Variants in PIK3C2G observed in about 807,000 individuals in gnomAD.
The protein encoded by PIK3C2G is phosphatidylinositol 3-kinase C2 domain-containing subunit gamma.
PIK3C2G carries 168 observed loss-of-function variants against 181.1 expected under a neutral mutation model. The observed-to-expected ratio is 0.93, with a 90% CI of 0.82 to 1.05. The LOEUF (loss-of-function observed/expected upper bound fraction) is 1.05. PIK3C2G is among the 50% of genes least tolerant of loss of function. The probability of loss-of-function intolerance (pLI) is 0.00; values close to 1 mark genes in which losing one functional copy is unlikely to be tolerated. For missense variants in PIK3C2G, 1,869 were observed against 1,732.8 expected (o/e 1.08, Z -1.40); for synonymous variants, 573 against 592.2 (o/e 0.97, Z 0.47).
chr12:18,547,705 T>A (rs960520884), intron 26 of PIK3C2G, among the ~76,000 whole-genome samples: 1 of 151,840 alleles, frequency 6.6e-6, no homozygotes, highest in African/African-American at 2.4e-5. Context: ...TCATTAGAGA[T>A]CCCTTAAGGG....
At chr12:18,463,406 C>T (rs1353064290) in intron 18 of PIK3C2G, among the ~76,000 whole-genome samples, 1 of 152,156 alleles carries the variant, frequency 6.6e-6, no homozygotes, top group East Asian at 1.9e-4. Context: ...TTAGACTCCT[C>T]TCTGCCATAA....
At chr12:18,381,429 A>G (rs1942826887) in intron 13 of PIK3C2G, among the ~76,000 whole-genome samples, 1 of 152,184 alleles carries the variant, frequency 6.6e-6, no homozygotes, top group Non-Finnish European at 1.5e-5. Flanking sequence ...TGTAACTCCA[A>G]TAATATAAAT....
chr12:18,494,189 T>C (rs1005475585), intron 20 of PIK3C2G, among the ~76,000 whole-genome samples: 6 of 152,208 alleles, frequency 3.9e-5, no homozygotes, highest in African/African-American at 1.4e-4. Flanking sequence ...GGCATTCCAA[T>C]CTACTTTATA....
At chr12:18,370,236 C>A (rs1000408620) in intron 12 of PIK3C2G, among the ~76,000 whole-genome samples, 2 of 152,140 alleles carry the variant, frequency 1.3e-5, no homozygotes, top group African/African-American at 4.8e-5. Context: ...CCTACGTATA[C>A]CCCATCCAGT....
chr12:18,426,898 T>C (rs966022410), intron 18 of PIK3C2G, among the ~76,000 whole-genome samples: 1 of 152,188 alleles, frequency 6.6e-6, no homozygotes, highest in Non-Finnish European at 1.5e-5. Flanking sequence ...AAACATAAGA[T>C]ACATTGACTG....
At chr12:18,391,387 C>A in intron 15 of PIK3C2G, 135 bp downstream of exon 15, 1 of 546,224 alleles carries the variant, frequency 1.8e-6, no homozygotes. Context: ...TGTCATGCTT[C>A]TTGGATGGTT....
chr12:18,493,647 G>A (rs1940767785), intron 20 of PIK3C2G: 2 of 152,258 alleles, frequency 1.3e-5, no homozygotes, highest in Admixed American at 6.5e-5. Flanking sequence ...TAGTTCACAA[G>A]TGATTGTGCA....
rs773632119 is a variant in PIK3C2G, at chr12:18,384,327, CAG to C, written c.1995+2451_1995+2452del. On this transcript the variant is annotated intron_variant, in intron 14 of 32. Coordinates refer to ENST00000538779, the MANE Select transcript of PIK3C2G (RefSeq NM_001288772.2). The stretch of plus-strand genomic sequence containing the variant: ...ATATCTTCAGTTTTAAGAATGAACA[CAG>C]AGAAAAGATAGACAGTCTTCAACAG... 1.4e-3 allele frequency among the ~76,000 whole-genome samples: 218 copies of C among 152,030 alleles called. 2 individuals carry two copies. Among genetic ancestry groups the C allele is most frequent in the Non-Finnish European group, 2.5e-3 (170 of 67,990 alleles).
chr12:18,342,332 A>T (rs1939218817), intron 9 of PIK3C2G, among the ~76,000 whole-genome samples: 1 of 152,098 alleles, frequency 6.6e-6, no homozygotes, highest in Non-Finnish European at 1.5e-5. Context: ...AGTTGCATAT[A>T]AATGTAATGA....
intron 18 of PIK3C2G, among the ~76,000 whole-genome samples, chr12:18,447,746 C>T (rs905414380): frequency 6.6e-6 from 1 of 151,960 alleles, no homozygotes; most frequent in African/African-American, 2.4e-5. Context: ...TCTATTCTGT[C>T]GTAGAATCTT....
chr12:18,477,855 C>T (rs192426329), intron 18 of PIK3C2G, among the ~76,000 whole-genome samples: 1 of 152,268 alleles, frequency 6.6e-6, no homozygotes, highest in Non-Finnish European at 1.5e-5. Context: ...CGCCTTGCAC[C>T]TATAAACCTG....
At chr12:18,701,605 TATCCTCCTC>T in the PIK3C2G span, 9 of 1,571,036 alleles carry the variant, frequency 5.7e-6, no homozygotes, top group East Asian at 2.3e-5. Context: ...TCTTTGAATT[TATCCTCCTC>T]CTCCTCCTCC....
At chr12:18,257,621 C>A (rs1290093825), upstream of PIK3C2G, among the ~76,000 whole-genome samples, 2 of 145,512 alleles carry the variant, frequency 1.4e-5, no homozygotes, top group Non-Finnish European at 3.0e-5. Flanking sequence ...CTTGCCAGTA[C>A]ACGAGAGGGA....
At chr12:18,650,692 GTGTGTGTGTGTGTATATATCTATA>G (rs1950426189), downstream of PIK3C2G, among the ~76,000 whole-genome samples, 10 of 38,658 alleles carry the variant, frequency 2.6e-4, no homozygotes, top group South Asian at 1.1e-3. Context: ...GTGTGTGTGT[GTGTGTGTGTGTGTATATATCTATA>G]TATATATATA....
At position 18,375,854 on chromosome 12, in the gene PIK3C2G, C is replaced by T. The variant is rs149188325; in HGVS notation, c.1880+4543C>T. 2.2e-3 allele frequency among the ~76,000 whole-genome samples: 340 copies of T among 152,310 alleles called. 2 individuals are homozygous for T. Among genetic ancestry groups the T allele is most frequent in the Admixed American group, 4.5e-3 (69 of 15,308 alleles). ...TGGCTCCAGCTTCAGACCAAAGGGG[C>T]GCAGGTACCGCTTGGGCCACCACTT... On this transcript the variant is annotated intron_variant, in intron 13 of 32. Coordinates refer to ENST00000538779, the MANE Select transcript of PIK3C2G (RefSeq NM_001288772.2).
chr12:18,399,638 G>C (rs768840335), intron 15 of PIK3C2G, 21 bp from the exon 16 acceptor site: 1 of 1,498,952 alleles, frequency 6.7e-7, no homozygotes, highest in Non-Finnish European at 9.1e-7. Context: ...GTAAATTACA[G>C]TTTCCAATCT....
chr12:18,314,262 T>C (rs1038978341), intron 6 of PIK3C2G, among the ~76,000 whole-genome samples, 198 bp downstream of exon 6: 6 of 152,186 alleles, frequency 3.9e-5, no homozygotes, highest in East Asian at 3.8e-4. Context: ...TGCAATAACA[T>C]GAACACATTA....
chr12:18,299,564 A>T (rs994055625), intron 5 of PIK3C2G, among the ~76,000 whole-genome samples: 2 of 151,862 alleles, frequency 1.3e-5, no homozygotes, highest in Non-Finnish European at 1.5e-5. Context: ...TGTGTGTAGG[A>T]CTTCCATTAT....
intron 16 of PIK3C2G, among the ~76,000 whole-genome samples, chr12:18,409,031 A>C (rs1019546496): frequency 1.3e-5 from 2 of 152,212 alleles, no homozygotes; most frequent in African/African-American, 4.8e-5. Context: ...CATTTGACCC[A>C]GCAATCATTT....
Sources: gnomAD v4.1 joint callset for allele counts (sites outside exome capture counted in the v4.1 genomes callset) on GRCh38, gnomAD v4.1.1 for gene constraint, MANE v1.5 for transcripts, NCBI Gene and HGNC (gene_info 2026-07-23, HGNC 2026-07-21) for gene names.